Variants in ZNF641 observed in about 807,000 individuals in gnomAD.
ZNF641 encodes zinc finger protein 641.
In ZNF641, 26 loss-of-function variants were observed where a neutral mutation model predicts 46.2. That is an observed-to-expected ratio of 0.56 (90% CI 0.41 to 0.78). The LOEUF is 0.78. Ranked by LOEUF, ZNF641 falls within the 30% of genes least tolerant of loss-of-function variation. The probability of loss-of-function intolerance (pLI) is 0.00; values close to 1 mark genes in which losing one functional copy is unlikely to be tolerated. For missense variants in ZNF641, 469 were observed against 517.8 expected (o/e 0.91, Z 0.91); for synonymous variants, 163 against 187.9 (o/e 0.87, Z 1.09).
At chr12:48,344,337 T>C (rs935456902) in intron 5 of ZNF641, 3 of 272,652 alleles carry the variant, frequency 1.1e-5, no homozygotes, top group Non-Finnish European at 1.4e-5. Context: ...TATTCATATA[T>C]TTAATTTTCA....
chr12:48,341,678 C>T lies in ZNF641; in HGVS notation c.*1295G>A, dbSNP rs1361153337. 1 of 985,440 alleles carries T rather than the reference C, an allele frequency of 1.0e-6. No individual in the cohort carries two copies. Among genetic ancestry groups the T allele is most frequent in the Non-Finnish European group, 1.2e-6 (1 of 829,944 alleles). 61.0% of individuals were successfully genotyped at this position (985,440 alleles called of 1,614,324 possible). A position where few individuals can be genotyped will look rare whatever the true frequency, so the allele number is the denominator to read the frequency against. ...CGTAATTCCTGCCCTAATTTTCCAGCACTTAAAACAAAATCCCCACTCAAT... is the reference window on the plus strand; with the variant it reads ...CGTAATTCCTGCCCTAATTTTCCAGTACTTAAAACAAAATCCCCACTCAAT... On this transcript the variant is annotated 3_prime_UTR_variant, in exon 6 of 6. Coordinates refer to ENST00000547026, the MANE Select transcript of ZNF641 (RefSeq NM_001172681.2).
At position 48,347,802 on chromosome 12, in the gene ZNF641, T is replaced by G. The variant is rs910604444; in HGVS notation, c.184+105A>C. 1.7e-5 allele frequency: 18 copies of G among 1,090,506 alleles called. No individual in the cohort carries two copies. The Middle Eastern group carries it at 8.7e-4, about 53-fold the overall frequency. The allele number at this position is 1,090,506 out of a possible 1,614,324, so 67.6% of individuals were successfully genotyped here. On this transcript the variant is annotated intron_variant, in intron 2 of 5. Transcript: ENST00000547026. ...AAGAATGGGCTGGTCCTGGTACAGG[T>G]TATGCTATTTAGTCCATGGCAATTT...
rs1952669987 is a variant in ZNF641, at chr12:48,339,397, TTTC to T, written c.*3573_*3575del. 1 of 152,118 alleles carries T rather than the reference TTTC, an allele frequency of 6.6e-6. No homozygotes were observed. Among genetic ancestry groups the T allele is most frequent in the African/African-American group, 2.4e-5 (1 of 41,402 alleles). 9.4% of individuals were successfully genotyped at this position (152,118 alleles called of 1,614,324 possible). On this transcript the variant is annotated 3_prime_UTR_variant, in exon 6 of 6. Coordinates refer to ENST00000547026, the MANE Select transcript of ZNF641 (RefSeq NM_001172681.2). The stretch of plus-strand genomic sequence containing the variant: ...ACTGAACGTTGAGCTCCTTCCCGAG[TTTC>T]TGATTCAGTAGTTCTCCTGGGGCGG...
rs1406619289 is a variant in ZNF641, at chr12:48,341,442, G to A, written c.*1531C>T. The A allele has an allele frequency of 1.0e-6, 1 of 985,330 alleles. No individual in the cohort carries two copies. The highest frequency in any genetic ancestry group is 1.1e-4 in the East Asian group (1 of 8,830). 61.0% of individuals were successfully genotyped at this position (985,330 alleles called of 1,614,324 possible). A position where few individuals can be genotyped will look rare whatever the true frequency, so the allele number is the denominator to read the frequency against. ...TAACGATGCTAGAATACTTATGCAA[G>A]CCCTAGAGTTAAGGGTCTTAGTGTG... On this transcript the variant is annotated 3_prime_UTR_variant, in exon 6 of 6. Coordinates refer to ENST00000547026, the MANE Select transcript of ZNF641 (RefSeq NM_001172681.2).
chr12:48,350,209 AG>A (rs1952991081), intron 1 of ZNF641: 2 of 1,504,856 alleles, frequency 1.3e-6, no homozygotes, highest in Admixed American at 2.4e-5. Flanking sequence ...ACATATGGGT[AG>A]CAAGGGACCT....
At position 48,341,144 on chromosome 12, in the gene ZNF641, G is replaced by A. The variant is rs1480445836; in HGVS notation, c.*1829C>T. On this transcript the variant is annotated 3_prime_UTR_variant, in exon 6 of 6. Transcript: ENST00000547026. ...GTTGAGTCCAGGACTCTGAGGAGCT[G>A]TGATTCACCCAGTTTTTCCTGCAAA... 4.1e-6 allele frequency: 4 copies of A among 985,460 alleles called. No individual in the cohort carries two copies. The highest frequency in any genetic ancestry group is 3.6e-6 in the Non-Finnish European group (3 of 829,932). The allele number at this position is 985,460 out of a possible 1,614,324, so 61.0% of individuals were successfully genotyped here.
rs996948876 is a variant in ZNF641, at chr12:48,343,446, G to A, written c.802C>T (p.His268Tyr). Residue 268 changes from histidine to tyrosine, a missense_variant, in exon 6 of 6, where the codon CAT becomes TAT. Physicochemically the swap from His to Tyr is moderately conservative, Grantham distance 83. Coordinates refer to ENST00000547026, the MANE Select transcript of ZNF641 (RefSeq NM_001172681.2). ...QFVWGSHLARHQQTHTGERPY... is the reference protein window; with the variant it reads ...QFVWGSHLARYQQTHTGERPY... Reference sequence around the variant, plus strand: ...CTCTCCCCAGTGTGTGTTTGTTGATGCCTGGCAAGGTGGGAACCCCATACA... The same window carrying A: ...CTCTCCCCAGTGTGTGTTTGTTGATACCTGGCAAGGTGGGAACCCCATACA... 5.6e-6 allele frequency: 9 copies of A among 1,614,116 alleles called. No individual in the cohort carries two copies. Among genetic ancestry groups the A allele is most frequent in the Non-Finnish European group, 7.6e-6 (9 of 1,179,960 alleles).
Position 48,341,384 on chromosome 12 carries a change from T to A in ZNF641, c.*1589A>T. The A allele has an allele frequency of 2.0e-6, 2 of 985,456 alleles. No homozygotes were observed. The highest frequency in any genetic ancestry group is 2.4e-6 in the Non-Finnish European group (2 of 829,930). 61.0% of individuals were successfully genotyped at this position (985,456 alleles called of 1,614,324 possible). A position where few individuals can be genotyped will look rare whatever the true frequency, so the allele number is the denominator to read the frequency against. On this transcript the variant is annotated 3_prime_UTR_variant, in exon 6 of 6. Transcript: ENST00000547026. ...TATAAGATTGGTATTAACACAATTA[T>A]TGATAAAGAGAAACAATGACCAACT...
downstream of ZNF641, among the ~76,000 whole-genome samples, chr12:48,334,866 T>C (rs1273002541): frequency 6.6e-6 from 1 of 152,198 alleles, no homozygotes; most frequent in Non-Finnish European, 1.5e-5. Flanking sequence ...ACCCTCCCTA[T>C]GGTGTAACTA....
chr12:48,345,017 T>C (rs1952829657), intron 4 of ZNF641, among the ~76,000 whole-genome samples: 1 of 152,138 alleles, frequency 6.6e-6, no homozygotes, highest in Admixed American at 6.5e-5. Context: ...ACTCCCTGCA[T>C]CCCTATCTTC....
At chr12:48,347,433 A>G in intron 2 of ZNF641, 90 bp from the exon 3 acceptor site, 2 of 1,176,170 alleles carry the variant, frequency 1.7e-6, no homozygotes, top group Non-Finnish European at 2.3e-6. Flanking sequence ...CTTAAGGGTC[A>G]CAACTTCTGT....
intron 1 of ZNF641, among the ~76,000 whole-genome samples, chr12:48,349,774 C>G (rs530028571): frequency 1.3e-5 from 2 of 152,294 alleles, no homozygotes; most frequent in Admixed American, 6.5e-5. Flanking sequence ...GCTCTGTATC[C>G]ACTTTTAACA....
rs1952658243 is a variant in ZNF641, at chr12:48,338,855, G to A, written c.*4118C>T. The stretch of plus-strand genomic sequence containing the variant: ...TCCAATTTTTATGTTGGAAAACTTG[G>A]GTTCTTAAGGGCTTGGCATGGTAGG... On this transcript the variant is annotated 3_prime_UTR_variant, in exon 6 of 6. Coordinates refer to ENST00000547026, the MANE Select transcript of ZNF641 (RefSeq NM_001172681.2). 1 of 152,110 alleles carries A rather than the reference G, an allele frequency of 6.6e-6. No homozygotes were observed. Among genetic ancestry groups the A allele is most frequent in the African/African-American group, 2.4e-5 (1 of 41,424 alleles). The allele number at this position is 152,110 out of a possible 1,614,324, so 9.4% of individuals were successfully genotyped here.
At chr12:48,335,334 G>A (rs1565982200), downstream of ZNF641, among the ~76,000 whole-genome samples, 2 of 152,164 alleles carry the variant, frequency 1.3e-5, no homozygotes, top group Admixed American at 1.3e-4. Context: ...AAACAAAGGA[G>A]TTAAGAAGGC....
intron 1 of ZNF641, chr12:48,350,070 G>C (rs1294964573): frequency 3.1e-6 from 5 of 1,614,118 alleles, no homozygotes; most frequent in Non-Finnish European, 4.2e-6. Flanking sequence ...CATTTCCTAA[G>C]ATATTCACGC....
rs1952652737 is a variant in ZNF641, at chr12:48,338,634, G to GC, written c.*4338dup. 6.6e-6 allele frequency: 1 copy of GC among 152,210 alleles called. No individual in the cohort carries two copies. The highest frequency in any genetic ancestry group is 1.5e-5 in the Non-Finnish European group (1 of 68,050). The allele number at this position is 152,210 out of a possible 1,614,324, so 9.4% of individuals were successfully genotyped here. A position where few individuals can be genotyped will look rare whatever the true frequency, so the allele number is the denominator to read the frequency against. On this transcript the variant is annotated 3_prime_UTR_variant, in exon 6 of 6. Transcript: ENST00000547026. ...TTCTAAGCAGCAGAATGCATTTTGGGCACCATGGCTTCATTGGTTACAACC... is the reference window on the plus strand; with the variant it reads ...TTCTAAGCAGCAGAATGCATTTTGGGCCACCATGGCTTCATTGGTTACAACC...
chr12:48,343,080 G>A lies in ZNF641; in HGVS notation c.1168C>T (p.Arg390Cys), dbSNP rs762496519. The change falls in exon 6 of 6, where the codon CGC (arginine) becomes TGC (cysteine). Residue 390 changes from arginine to cysteine, a missense_variant. Transcript: ENST00000547026. The part of the protein sequence containing the change: ...HTGEKPFQCP[R>C]CEKSFGRKHH... Reference sequence around the variant, plus strand: ...TTTCGGCCAAAGCTCTTCTCACAGCGAGGGCACTGGAAGGGCTTCTCCCCA... The same window carrying A: ...TTTCGGCCAAAGCTCTTCTCACAGCAAGGGCACTGGAAGGGCTTCTCCCCA... The A allele has an allele frequency of 1.7e-5, 28 of 1,614,042 alleles. No individual in the cohort carries two copies. The highest frequency in any genetic ancestry group is 3.3e-5 in the South Asian group (3 of 91,088).
Position 48,344,682 on chromosome 12 carries a change from G to A in ZNF641, c.437C>T (p.Ser146Phe), listed in dbSNP as rs1421098719. 1.2e-6 allele frequency: 2 copies of A among 1,612,734 alleles called. No homozygotes were observed. Among genetic ancestry groups the A allele is most frequent in the Non-Finnish European group, 1.7e-6 (2 of 1,179,664 alleles). ...TTGTTCTTCTCCTCCTTCTAGTTGA[G>A]AAAGCATGTCCAGTTTGGGAATTGG... is the stretch of plus-strand genomic sequence containing the variant. ...RFPIPKLDML[S>F]QLEGGEEQWV... The change falls in exon 5 of 6, where the codon TCT becomes TTT. Residue 146 changes from serine (S) to phenylalanine (F), a missense_variant. Physicochemically the swap from Ser to Phe is radical, Grantham distance 155. Transcript: ENST00000547026.
Position 48,343,064 on chromosome 12 carries a change from A to C in ZNF641, c.1184T>G (p.Phe395Cys). 1 of 1,614,232 alleles carries C rather than the reference A, an allele frequency of 6.2e-7. No individual in the cohort carries two copies. Among genetic ancestry groups the C allele is most frequent in the Non-Finnish European group, 8.5e-7 (1 of 1,180,042 alleles). ...CCTGTCCAGGTGATGTTTTCGGCCA[A>C]AGCTCTTCTCACAGCGAGGGCACTG... Reference protein sequence around the residue: ...PFQCPRCEKSFGRKHHLDRHL... With the variant: ...PFQCPRCEKSCGRKHHLDRHL... Residue 395 changes from phenylalanine (F) to cysteine (C), a missense_variant, in exon 6 of 6, where the codon TTT (phenylalanine) becomes TGT (cysteine). By Grantham distance (205) the Phe-to-Cys change is radical. This residue lies in a region of ZNF641 where 346 missense variants were observed against 354.0 expected (regional missense o/e 0.98). Coordinates refer to ENST00000547026, the MANE Select transcript of ZNF641 (RefSeq NM_001172681.2).
Sources: allele counts gnomAD v4.1 joint callset (sites outside exome capture counted in the v4.1 genomes callset), GRCh38; gene constraint gnomAD v4.1.1; regional missense constraint gnomAD v4.1.1; transcripts MANE v1.5; gene names NCBI Gene and HGNC (gene_info 2026-07-23, HGNC 2026-07-21).